Variants in TAFA1 observed in about 807,000 individuals in gnomAD.
The protein encoded by TAFA1 is chemokine-like protein TAFA-1.
A neutral mutation model predicts 18.5 loss-of-function variants in TAFA1; 4 were observed. The observed-to-expected ratio is 0.22, with a 90% confidence interval of 0.11 to 0.49. The LOEUF (loss-of-function observed/expected upper bound fraction) is 0.49, where lower values mean the gene tolerates loss of function less well. Among genes scored for constraint, TAFA1 ranks in the 20% least tolerant of loss-of-function variants. The pLI, the probability that TAFA1 is intolerant of heterozygous loss-of-function variation, is 0.98. For missense variants in TAFA1, 147 were observed against 169.0 expected, an observed-to-expected ratio of 0.87 and a Z score of 0.72; for synonymous variants, 56 against 55.2, an observed-to-expected ratio of 1.01 and a Z score of -0.06.
At chr3:68,235,006 C>A (rs2066911934) in intron 2 of TAFA1, among the ~76,000 whole-genome samples, 1 of 152,074 alleles carries the variant, frequency 6.6e-6, no homozygotes, top group Admixed American at 6.6e-5. Flanking sequence ...CATTCCTGAC[C>A]CCTGCCCCCA....
intron 4 of TAFA1, among the ~76,000 whole-genome samples, chr3:68,539,703 G>GGGGT (rs2073341198): frequency 2.0e-4 from 11 of 54,630 alleles, no homozygotes; most frequent in African/African-American, 6.2e-4. Flanking sequence ...TGGGTGGGTG[G>GGGGT]GTGTGTGCAT....
intron 2 of TAFA1, among the ~76,000 whole-genome samples, chr3:68,192,110 T>C (rs1183513176): frequency 6.6e-6 from 1 of 151,792 alleles, no homozygotes; most frequent in African/African-American, 2.4e-5. Flanking sequence ...ATAAGAGCAC[T>C]ATTCGCTCTA....
Position 68,530,176 on chromosome 3 carries a change from A to G in TAFA1, c.260-8580A>G, listed in dbSNP as rs564198689. On this transcript the variant is annotated intron_variant, in intron 3 of 4. Coordinates refer to ENST00000478136, the MANE Select transcript of TAFA1 (RefSeq NM_213609.4). ...GCTGAATTTGATTATCTACTGAAACAGTAGAAAGGGACTGCAGTTCTTAGT... is the reference window on the plus strand; with the variant it reads ...GCTGAATTTGATTATCTACTGAAACGGTAGAAAGGGACTGCAGTTCTTAGT... Among the ~76,000 whole-genome samples, 3 of 152,352 alleles carry G rather than the reference A, an allele frequency of 2.0e-5. No homozygotes were observed. In the South Asian group the frequency reaches 6.2e-4, roughly 32 times the overall value.
intron 2 of TAFA1, among the ~76,000 whole-genome samples, chr3:68,406,999 G>A (rs2070623895): frequency 6.6e-6 from 1 of 152,140 alleles, no homozygotes; most frequent in Admixed American, 6.6e-5. Flanking sequence ...AAGAAATCTA[G>A]TGGGTGGGTG....
At chr3:68,398,867 C>G (rs1322937094) in intron 2 of TAFA1, among the ~76,000 whole-genome samples, 1 of 152,138 alleles carries the variant, frequency 6.6e-6, no homozygotes, top group African/African-American at 2.4e-5. Flanking sequence ...GTCACTCATT[C>G]TTTATTTACA....
intron 3 of TAFA1, among the ~76,000 whole-genome samples, chr3:68,482,969 A>G (rs938935736): frequency 3.9e-5 from 6 of 152,172 alleles, no homozygotes; most frequent in Non-Finnish European, 8.8e-5. Flanking sequence ...ACTAAATTCA[A>G]CTTCTTTCTT....
At chr3:68,020,484 T>C (rs1220545404) in intron 2 of TAFA1, among the ~76,000 whole-genome samples, 4 of 151,806 alleles carry the variant, frequency 2.6e-5, no homozygotes, top group African/African-American at 7.2e-5. Context: ...CTGTAAGAAA[T>C]AGAGACAATG....
At chr3:68,544,378 G>A (rs2073423138) in intron 4 of TAFA1, 108 bp from the exon 5 acceptor site, 1 of 1,126,356 alleles carries the variant, frequency 8.9e-7, no homozygotes, top group South Asian at 1.4e-5. Flanking sequence ...CTGAAAAAAA[G>A]CAACATCCTA....
rs1196708313 is a variant in TAFA1 at position 68,538,750 on chromosome 3, G to T, written c.260-6G>T. 6.2e-7 allele frequency: 1 copy of T among 1,612,984 alleles called. No individual in the cohort carries two copies. Among genetic ancestry groups the T allele is most frequent in the Non-Finnish European group, 8.5e-7 (1 of 1,179,440 alleles). On this transcript the variant is annotated splice_region_variant and splice_polypyrimidine_tract_variant and intron_variant, in intron 3 of 4. Coordinates refer to ENST00000478136, the MANE Select transcript of TAFA1 (RefSeq NM_213609.4). ...GCAAACACAGTTGTTTCCTGTTTCT[G>T]CACAGCCTCCATAGTGATTGGGAAA...
At chr3:68,324,676 G>A (rs2068749973) in intron 2 of TAFA1, among the ~76,000 whole-genome samples, 1 of 152,136 alleles carries the variant, frequency 6.6e-6, no homozygotes, top group African/African-American at 2.4e-5. Context: ...GTATTTGGGA[G>A]GCTAAGAATT....
intron 3 of TAFA1, among the ~76,000 whole-genome samples, chr3:68,428,313 TG>T: frequency 6.6e-6 from 1 of 151,916 alleles, no homozygotes; most frequent in Non-Finnish European, 1.5e-5. Flanking sequence ...AAGAGAACAC[TG>T]TACTTGACAG....
intron 2 of TAFA1, among the ~76,000 whole-genome samples, chr3:68,315,525 A>G (rs1439862440): frequency 6.6e-6 from 1 of 152,174 alleles, no homozygotes; most frequent in African/African-American, 2.4e-5. Flanking sequence ...TATTCCTCCT[A>G]TGCCATATGT....
At chr3:68,254,537 A>G (rs963204363) in intron 2 of TAFA1, among the ~76,000 whole-genome samples, 2 of 151,948 alleles carry the variant, frequency 1.3e-5, no homozygotes, top group African/African-American at 2.4e-5. Flanking sequence ...TGGGGAGGGG[A>G]CTATAATTAC....
At chr3:68,299,427 GT>G (rs1235424625) in intron 2 of TAFA1, among the ~76,000 whole-genome samples, 1 of 152,114 alleles carries the variant, frequency 6.6e-6, no homozygotes, top group Non-Finnish European at 1.5e-5. Context: ...TGGGTGCTCA[GT>G]TTTACGTATT....
chr3:68,097,384 G>A (rs1353531814), intron 2 of TAFA1, among the ~76,000 whole-genome samples: 2 of 152,132 alleles, frequency 1.3e-5, no homozygotes, highest in African/African-American at 2.4e-5. Flanking sequence ...AACAAAACAA[G>A]TTATTGTCTC....
intron 2 of TAFA1, among the ~76,000 whole-genome samples, chr3:68,143,655 T>G (rs1394924147): frequency 1.3e-5 from 2 of 152,120 alleles, no homozygotes; most frequent in Non-Finnish European, 2.9e-5. Flanking sequence ...TGGCCAAGTG[T>G]TCCTTGGGTG....
intron 2 of TAFA1, among the ~76,000 whole-genome samples, chr3:68,398,853 CAG>C (rs1280993634): frequency 6.6e-6 from 1 of 152,146 alleles, no homozygotes; most frequent in Non-Finnish European, 1.5e-5. Context: ...CTTCTCACTG[CAG>C]AGTCACTCAT....
intron 2 of TAFA1, among the ~76,000 whole-genome samples, chr3:68,141,345 C>T (rs766184688): frequency 3.3e-5 from 5 of 152,180 alleles, no homozygotes; most frequent in Non-Finnish European, 7.3e-5. Context: ...CTCACAGTTC[C>T]AGGCCTTGTT....
At chr3:68,222,817 C>T (rs1188991546) in intron 2 of TAFA1, among the ~76,000 whole-genome samples, 3 of 151,912 alleles carry the variant, frequency 2.0e-5, no homozygotes, top group East Asian at 1.9e-4. Flanking sequence ...GGATTACAGG[C>T]GCCTGCCACT....
Sources: gnomAD v4.1 joint callset for allele counts (sites outside exome capture counted in the v4.1 genomes callset) on GRCh38, gnomAD v4.1.1 for gene constraint, MANE v1.5 for transcripts, NCBI Gene and HGNC (gene_info 2026-07-23, HGNC 2026-07-21) for gene names.